Variants in HPSE2 observed in about 807,000 individuals in gnomAD.
HPSE2 encodes the protein heparanase 2 (inactive), also known as inactive heparanase-2.
Under a neutral mutation model 60.5 loss-of-function variants are expected in HPSE2, and 38 were observed. The observed-to-expected ratio is 0.63, with a 90% CI of 0.48 to 0.82. The LOEUF (loss-of-function observed/expected upper bound fraction) is 0.82. HPSE2 is among the 40% of genes least tolerant of loss of function. The probability of loss-of-function intolerance (pLI) is 0.00; values close to 1 mark genes in which losing one functional copy is unlikely to be tolerated. For missense variants in HPSE2, 713 were observed against 740.4 expected, an observed-to-expected ratio of 0.96 and a Z score of 0.43; for synonymous variants, 295 against 293.2, an observed-to-expected ratio of 1.01 and a Z score of -0.06.
the HPSE2 span, among the ~76,000 whole-genome samples, chr10:99,282,784 A>C: frequency 9.2e-5 from 14 of 152,302 alleles, no homozygotes; most frequent in Admixed American, 2.0e-4. Flanking sequence ...ATCACAAGGG[A>C]AACTTGGAAA....
At position 98,807,871 on chromosome 10, in the gene HPSE2, C is replaced by T. The variant is rs565045449; in HGVS notation, c.611-63815G>A. On this transcript the variant is annotated intron_variant, in intron 3 of 11. Coordinates refer to ENST00000370552, the MANE Select transcript of HPSE2 (RefSeq NM_021828.5). ...AAGTCACTGCAGCCATTTATTAAAG[C>T]GTACTGGTAGGCAAACAGAAAATAC... 1.8e-4 allele frequency among the ~76,000 whole-genome samples: 28 copies of T among 152,226 alleles called. No homozygotes were observed. The East Asian group carries it at 4.8e-3, about 26-fold the overall frequency.
the HPSE2 span, among the ~76,000 whole-genome samples, chr10:99,314,845 C>T: frequency 3.3e-5 from 5 of 152,338 alleles, no homozygotes; most frequent in South Asian, 4.1e-4. Flanking sequence ...CTCAGAGTTA[C>T]ATACCAAACA....
chr10:98,741,960 T>C (rs939000055), intron 4 of HPSE2, among the ~76,000 whole-genome samples: 9 of 152,030 alleles, frequency 5.9e-5, no homozygotes, highest in African/African-American at 1.2e-4. Context: ...TGGTCATGAG[T>C]ATACAACATA....
intron 3 of HPSE2, among the ~76,000 whole-genome samples, chr10:99,020,460 T>A (rs1167635852): frequency 2.0e-5 from 3 of 152,234 alleles, no homozygotes; most frequent in Non-Finnish European, 2.9e-5. Flanking sequence ...TTACTCTGTA[T>A]CCTAGTGCAT....
At chr10:99,139,485 GAA>G (rs1196397361) in intron 3 of HPSE2, among the ~76,000 whole-genome samples, 1 of 148,546 alleles carries the variant, frequency 6.7e-6, no homozygotes, top group Non-Finnish European at 1.5e-5. Flanking sequence ...AACTAAAACT[GAA>G]AAGAGAGGTT....
At chr10:98,907,128 T>C (rs377732490) in intron 3 of HPSE2, among the ~76,000 whole-genome samples, 16 of 152,324 alleles carry the variant, frequency 1.1e-4, no homozygotes, top group African/African-American at 3.6e-4. Context: ...GTAACTTGTC[T>C]GAGCTACTGC....
At chr10:99,202,616 G>A (rs766127015) in intron 2 of HPSE2, among the ~76,000 whole-genome samples, 10 of 152,010 alleles carry the variant, frequency 6.6e-5, no homozygotes, top group Non-Finnish European at 1.2e-4. Flanking sequence ...GAATTAAATG[G>A]TGGTATTTGG....
At chr10:99,045,226 T>C (rs1469745311) in intron 3 of HPSE2, among the ~76,000 whole-genome samples, 3 of 152,218 alleles carry the variant, frequency 2.0e-5, no homozygotes, top group South Asian at 2.1e-4. Flanking sequence ...CACAAATACA[T>C]GGAAATTTAA....
In HPSE2 at chr10:98,930,935, G is replaced by T. The variant is rs1471935724; in HGVS notation, c.611-186879C>A. Reference sequence around the variant, plus strand: ...CCATAGGTTATCTGTTCACTCTGATGATAGTTTCATTTGCTGTGAAGAAGC... The same window carrying T: ...CCATAGGTTATCTGTTCACTCTGATTATAGTTTCATTTGCTGTGAAGAAGC... On this transcript the variant is annotated intron_variant, in intron 3 of 11. Coordinates refer to ENST00000370552, the MANE Select transcript of HPSE2 (RefSeq NM_021828.5). Among the ~76,000 whole-genome samples, 2 of 144,206 alleles carry T rather than the reference G, an allele frequency of 1.4e-5. 1 individual carries two copies. The highest frequency in any genetic ancestry group is 5.6e-5 in the African/African-American group (2 of 35,544). The allele number at this position is 144,206 out of a possible 152,430, so 94.6% of individuals were successfully genotyped here.
chr10:99,300,571 T>C, the HPSE2 span, among the ~76,000 whole-genome samples: 1 of 152,336 alleles, frequency 6.6e-6, no homozygotes, highest in East Asian at 1.9e-4. Context: ...TGCCTGAGTG[T>C]TCTATCCCTC....
the HPSE2 span, among the ~76,000 whole-genome samples, chr10:99,276,315 T>A: frequency 1.3e-5 from 2 of 152,192 alleles, no homozygotes; most frequent in African/African-American, 4.8e-5. Context: ...ATTCTTTGTA[T>A]CACTAAATGT....
At chr10:98,562,819 T>C (rs1193781968) in intron 9 of HPSE2, among the ~76,000 whole-genome samples, 3 of 152,176 alleles carry the variant, frequency 2.0e-5, no homozygotes, top group Admixed American at 6.5e-5. Context: ...AAATTTCTCT[T>C]GAGGATTAGT....
intron 3 of HPSE2, among the ~76,000 whole-genome samples, chr10:98,959,146 G>T (rs1018694562): frequency 6.6e-6 from 1 of 152,062 alleles, no homozygotes; most frequent in Non-Finnish European, 1.5e-5. Flanking sequence ...CATAGATCAT[G>T]TTTTATAAAC....
At chr10:98,482,513 CTT>C in intron 11 of HPSE2, 121 bp downstream of exon 11, 1 of 1,234,592 alleles carries the variant, frequency 8.1e-7, no homozygotes. Flanking sequence ...CCAGACCGCT[CTT>C]TGTCCTACTC....
chr10:98,904,234 G>A (rs190032314), intron 3 of HPSE2, among the ~76,000 whole-genome samples: 114 of 152,176 alleles, frequency 7.5e-4, no homozygotes, highest in Non-Finnish European at 1.4e-3. Context: ...TATTTTTCCT[G>A]TAACTGAGAA....
chr10:98,739,880 A>T (rs1354741515), intron 4 of HPSE2, among the ~76,000 whole-genome samples: 1 of 152,164 alleles, frequency 6.6e-6, no homozygotes, highest in Non-Finnish European at 1.5e-5. Flanking sequence ...TTTTGTGATT[A>T]AGTATAGCTC....
intron 3 of HPSE2, among the ~76,000 whole-genome samples, chr10:99,132,275 GAAAA>G: frequency 1.4e-5 from 2 of 147,478 alleles, no homozygotes; most frequent in African/African-American, 2.5e-5. Flanking sequence ...AAGAAAGAAA[GAAAA>G]GAAATTACCA....
At chr10:98,465,928 A>C (rs190961845) in intron 11 of HPSE2, among the ~76,000 whole-genome samples, 233 of 152,276 alleles carry the variant, frequency 1.5e-3, no homozygotes, top group African/African-American at 5.4e-3. Flanking sequence ...TGTTTTATTA[A>C]TTTTGAATGT....
intron 1 of HPSE2, among the ~76,000 whole-genome samples, chr10:99,234,429 TC>T (rs1849772297): frequency 6.6e-6 from 1 of 152,156 alleles, no homozygotes. Flanking sequence ...GGACCTGGCC[TC>T]GGGGCAAAGT....
Sources: gnomAD v4.1 joint callset for allele counts (sites outside exome capture counted in the v4.1 genomes callset) on GRCh38, gnomAD v4.1.1 for gene constraint, MANE v1.5 for transcripts, NCBI Gene and HGNC (gene_info 2026-07-23, HGNC 2026-07-21) for gene names.